The following SKAP1 variants were observed in gnomAD, a reference collection of about 807,000 sequenced individuals.
SKAP1 encodes src kinase associated phosphoprotein 1.
Under a neutral mutation model 58.5 loss-of-function variants are expected in SKAP1, and 44 were observed. That is an observed-to-expected ratio of 0.75 (90% CI 0.59 to 0.97). SKAP1 has a LOEUF of 0.97. SKAP1 is among the 50% of genes least tolerant of loss of function. The probability of loss-of-function intolerance (pLI) is 0.00; values close to 1 mark genes in which losing one functional copy is unlikely to be tolerated. For missense variants in SKAP1, 390 were observed against 435.2 expected (o/e 0.90, Z 0.92); for synonymous variants, 127 against 149.7 (o/e 0.85, Z 1.11).
At chr17:48,239,850 C>CAGAG (rs71141976) in intron 4 of SKAP1, among the ~76,000 whole-genome samples, 64,815 of 129,056 alleles carry the variant, frequency 0.5, 15,751 homozygotes, top group South Asian at 0.67. Context: ...GAGAGAGAGA[C>CAGAG]AGAGAGAGAG....
At chr17:48,266,792 G>A (rs556585684) in intron 4 of SKAP1, among the ~76,000 whole-genome samples, 29 of 152,214 alleles carry the variant, frequency 1.9e-4, no homozygotes, top group African/African-American at 5.8e-4. Flanking sequence ...TTACAGGCAT[G>A]AGCCACCGTG....
At chr17:48,437,011 T>C in the SKAP1 span, among the ~76,000 whole-genome samples, 5 of 152,240 alleles carry the variant, frequency 3.3e-5, no homozygotes. Context: ...TTTCACCTTC[T>C]AGTCATAGGT....
chr17:48,177,094 C>A (rs2064301214), intron 9 of SKAP1, among the ~76,000 whole-genome samples: 1 of 152,214 alleles, frequency 6.6e-6, no homozygotes, highest in Non-Finnish European at 1.5e-5. Context: ...TGTAGGCTGT[C>A]CCTCCACCCA....
chr17:48,285,614 G>GAA (rs11356632), intron 4 of SKAP1, among the ~76,000 whole-genome samples: 5 of 128,594 alleles, frequency 3.9e-5, no homozygotes, highest in South Asian at 2.6e-4. Context: ...GACTCCATCT[G>GAA]AAAAAAAAAA....
At chr17:48,238,368 T>A (rs1227132749) in intron 4 of SKAP1, among the ~76,000 whole-genome samples, 1 of 152,202 alleles carries the variant, frequency 6.6e-6, no homozygotes, top group African/African-American at 2.4e-5. Context: ...TTTCATGTAG[T>A]CATGAAACTT....
intron 4 of SKAP1, among the ~76,000 whole-genome samples, chr17:48,227,866 T>C (rs1480909771): frequency 6.6e-6 from 1 of 152,152 alleles, no homozygotes; most frequent in Non-Finnish European, 1.5e-5. Flanking sequence ...TCTTATAAGG[T>C]TGTTACGAGG....
chr17:48,400,181 C>T (rs550490748), intron 1 of SKAP1, among the ~76,000 whole-genome samples: 2 of 151,496 alleles, frequency 1.3e-5, no homozygotes, highest in South Asian at 4.2e-4. Flanking sequence ...TCACTGCAAC[C>T]TCTGGCTCCT....
the SKAP1 span, among the ~76,000 whole-genome samples, chr17:48,444,829 G>GGACA: frequency 3.9e-5 from 6 of 152,180 alleles, no homozygotes; most frequent in African/African-American, 1.4e-4. Context: ...GAAAGGTGAA[G>GGACA]GACAGGAAGT....
intron 1 of SKAP1, among the ~76,000 whole-genome samples, chr17:48,421,368 C>T (rs1046487626): frequency 6.8e-6 from 1 of 146,342 alleles, no homozygotes. Context: ...CGGCACGAGG[C>T]GGGAGGCTCA....
intron 4 of SKAP1, among the ~76,000 whole-genome samples, chr17:48,217,947 G>A (rs571568370): frequency 6.6e-6 from 1 of 152,320 alleles, no homozygotes; most frequent in African/African-American, 2.4e-5. Context: ...TTATCAAGAT[G>A]TTAGTGAAAG....
chr17:48,225,221 T>C (rs1005376449), intron 4 of SKAP1, among the ~76,000 whole-genome samples: 1 of 152,178 alleles, frequency 6.6e-6, no homozygotes, highest in African/African-American at 2.4e-5. Flanking sequence ...GGCTGTCCCA[T>C]AGAGGCTCCC....
intron 1 of SKAP1, among the ~76,000 whole-genome samples, chr17:48,419,009 C>T (rs914330480): frequency 6.6e-6 from 1 of 150,786 alleles, no homozygotes; most frequent in Non-Finnish European, 1.5e-5. Flanking sequence ...CTTAAGTCAA[C>T]CAATTTTAAC....
chr17:48,228,540 GTATTAGGTT>G (rs1347060209), intron 4 of SKAP1, among the ~76,000 whole-genome samples: 1 of 152,156 alleles, frequency 6.6e-6, no homozygotes, highest in Admixed American at 6.5e-5. Context: ...TTTAAGCCTT[GTATTAGGTT>G]TTGTGTTAGA....
intron 4 of SKAP1, among the ~76,000 whole-genome samples, chr17:48,315,924 C>T (rs2066280404): frequency 6.6e-6 from 1 of 151,950 alleles, no homozygotes; most frequent in South Asian, 2.1e-4. Context: ...GGAAATATTC[C>T]AAAATCTGAA....
chr17:48,437,785 T>C, the SKAP1 span, among the ~76,000 whole-genome samples: 5 of 150,922 alleles, frequency 3.3e-5, no homozygotes, highest in Non-Finnish European at 7.4e-5. Context: ...ATAAAGGCAT[T>C]GCTGTTTTCC....
intron 11 of SKAP1, among the ~76,000 whole-genome samples, chr17:48,151,351 T>C (rs2063900632): frequency 1.3e-5 from 2 of 152,206 alleles, no homozygotes; most frequent in Admixed American, 1.3e-4. Context: ...TCCAGTAATT[T>C]TTGTTTCATT....
At chr17:48,233,339 T>C (rs1040188377) in intron 4 of SKAP1, among the ~76,000 whole-genome samples, 12 of 152,148 alleles carry the variant, frequency 7.9e-5, no homozygotes, top group African/African-American at 2.7e-4. Context: ...AAAGGAAATA[T>C]TGATGATTCT....
intron 4 of SKAP1, among the ~76,000 whole-genome samples, chr17:48,266,386 G>T (rs192876016): frequency 6.6e-6 from 1 of 152,124 alleles, no homozygotes; most frequent in Admixed American, 6.5e-5. Flanking sequence ...TGTAAAATAC[G>T]AATTATACTA....
intron 11 of SKAP1, among the ~76,000 whole-genome samples, chr17:48,154,874 C>T (rs980035626): frequency 1.3e-5 from 2 of 151,778 alleles, no homozygotes; most frequent in African/African-American, 4.8e-5. Context: ...GCCTGGCCAA[C>T]ATGGTGAAAC....
Sources: gnomAD v4.1 joint callset for allele counts (sites outside exome capture counted in the v4.1 genomes callset) on GRCh38, gnomAD v4.1.1 for gene constraint, MANE v1.5 for transcripts, NCBI Gene and HGNC (gene_info 2026-07-23, HGNC 2026-07-21) for gene names.